The following MYOF variants were observed in gnomAD, a reference collection of about 807,000 sequenced individuals.
MYOF encodes myoferlin.
MYOF carries 244 observed loss-of-function variants against 284.2 expected under a neutral mutation model. The ratio of observed to expected loss-of-function variants is 0.86; its 90% CI spans 0.77 to 0.95. The LOEUF (loss-of-function observed/expected upper bound fraction) is 0.95. Among genes scored for constraint, MYOF ranks in the 40% least tolerant of loss-of-function variants. The pLI is 0.00. For missense variants in MYOF, 2,496 were observed against 2,560.6 expected (o/e 0.97, Z 0.54); for synonymous variants, 904 against 919.7 (o/e 0.98, Z 0.31).
At position 93,397,215 on chromosome 10, in the gene MYOF, T is replaced by A. The variant is rs1372294817; in HGVS notation, c.1334+32A>T. The A allele has an allele frequency of 7.3e-6, 11 of 1,498,440 alleles. No homozygotes were observed. In the Admixed American group the frequency reaches 1.8e-4, roughly 24 times the overall value. 92.8% of individuals were successfully genotyped at this position (1,498,440 alleles called of 1,614,324 possible). ...CACAATATCCAATGTTTATTTTATG[T>A]TGAATTAGACACATACGTATTTTCA... On this transcript the variant is annotated intron_variant, in intron 15 of 53. Coordinates refer to ENST00000359263, the MANE Select transcript of MYOF (RefSeq NM_013451.4).
At chr10:93,473,484 G>A (rs922183210) in intron 1 of MYOF, among the ~76,000 whole-genome samples, 16 of 152,238 alleles carry the variant, frequency 1.1e-4, no homozygotes, top group African/African-American at 3.9e-4. Flanking sequence ...CCATGCAAGA[G>A]GCCTCACTAA....
At chr10:93,419,019 G>A (rs541162728) in intron 5 of MYOF, among the ~76,000 whole-genome samples, 2 of 152,256 alleles carry the variant, frequency 1.3e-5, no homozygotes, top group Admixed American at 6.5e-5. Context: ...CTTTCATGGA[G>A]CCCCATGGTC....
chr10:93,425,063 C>T (rs112043922), intron 5 of MYOF, among the ~76,000 whole-genome samples: 6,368 of 151,208 alleles, frequency 0.042, 181 homozygotes, highest in Non-Finnish European at 0.064. Context: ...CTCAGCCTCC[C>T]GAGTAGCTGG....
Position 93,415,782 on chromosome 10 carries a change from C to T in MYOF, c.434-6043G>A, listed in dbSNP as rs552334375. On this transcript the variant is annotated intron_variant, in intron 5 of 53. Transcript: ENST00000359263. ...ACTTAAGGAGTTTTGCCTCTTTATACGTTCATCGGTTTCCCCCTTTCTACT... is the reference window on the plus strand; with the variant it reads ...ACTTAAGGAGTTTTGCCTCTTTATATGTTCATCGGTTTCCCCCTTTCTACT... Among the ~76,000 whole-genome samples, 10 of 152,306 alleles carry T rather than the reference C, an allele frequency of 6.6e-5. No individual in the cohort carries two copies. The South Asian group carries it at 1.2e-3, about 19-fold the overall frequency.
At chr10:93,337,153 G>A (rs1243671016) in intron 40 of MYOF, among the ~76,000 whole-genome samples, 1 of 139,814 alleles carries the variant, frequency 7.2e-6, no homozygotes, top group East Asian at 2.1e-4. Flanking sequence ...TTTTTGCTTT[G>A]ATGGGGAAAA....
At position 93,379,922 on chromosome 10, in the gene MYOF, C is replaced by T; in HGVS notation, c.1942G>A (p.Glu648Lys). Residue 648 changes from glutamate to lysine, a missense_variant, in exon 21 of 54, where the codon GAG becomes AAG. By Grantham distance (56) the Glu-to-Lys change is moderately conservative. Coordinates refer to ENST00000359263, the MANE Select transcript of MYOF (RefSeq NM_013451.4). ...KPVVTLTSYW[E>K]DISHRLDAVN... ...GCATCCAGGCGATGACTAATATCCT[C>T]CCAGTATGAAGTCAGGGTAACAACT... is the stretch of plus-strand genomic sequence containing the variant. 2 of 1,614,058 alleles carry T rather than the reference C, an allele frequency of 1.2e-6. No individual in the cohort carries two copies. The highest frequency in any genetic ancestry group is 1.1e-5 in the South Asian group (1 of 91,054).
chr10:93,320,273 G>T (rs993702337), intron 48 of MYOF, among the ~76,000 whole-genome samples: 1 of 152,144 alleles, frequency 6.6e-6, no homozygotes, highest in African/African-American at 2.4e-5. Context: ...CAGGGCTAAG[G>T]TGAAATTTTC....
chr10:93,477,594 A>G (rs2057292317), intron 1 of MYOF, among the ~76,000 whole-genome samples: 1 of 152,024 alleles, frequency 6.6e-6, no homozygotes, highest in African/African-American at 2.4e-5. Context: ...CACGCCTGTA[A>G]TCCCAGCACT....
chr10:93,460,233 G>T (rs1444373931), intron 1 of MYOF, among the ~76,000 whole-genome samples: 4 of 152,188 alleles, frequency 2.6e-5, no homozygotes, highest in Non-Finnish European at 5.9e-5. Flanking sequence ...CCCAAGCCTG[G>T]TTCCTGACCC....
At chr10:93,362,314 C>T (rs940048521) in intron 27 of MYOF, among the ~76,000 whole-genome samples, 1 of 151,528 alleles carries the variant, frequency 6.6e-6, no homozygotes, top group South Asian at 2.1e-4. Context: ...GGTGCAATCT[C>T]GAGTCACTGC....
intron 1 of MYOF, among the ~76,000 whole-genome samples, chr10:93,457,349 C>A (rs1181644280): frequency 6.6e-6 from 1 of 152,184 alleles, no homozygotes; most frequent in African/African-American, 2.4e-5. Context: ...CTGATTTAAA[C>A]CTGGAATTTC....
intron 53 of MYOF, among the ~76,000 whole-genome samples, chr10:93,309,684 G>A (rs1008368618): frequency 6.6e-6 from 1 of 152,116 alleles, no homozygotes; most frequent in Non-Finnish European, 1.5e-5. Flanking sequence ...GGATGGTTTG[G>A]AACAAGAAAG....
At chr10:93,375,219 C>T (rs561010967) in intron 22 of MYOF, among the ~76,000 whole-genome samples, 104 of 152,310 alleles carry the variant, frequency 6.8e-4, no homozygotes, top group Non-Finnish European at 1.0e-3. Context: ...GTTTAACCTA[C>T]GGCCCAAGGA....
intron 1 of MYOF, among the ~76,000 whole-genome samples, chr10:93,463,926 C>T (rs542159546): frequency 6.7e-6 from 1 of 150,128 alleles, no homozygotes; most frequent in African/African-American, 2.5e-5. Flanking sequence ...TGGCTTGCTA[C>T]ATCTGTGCCG....
chr10:93,360,956 C>A (rs1845040013), intron 28 of MYOF, among the ~76,000 whole-genome samples: 1 of 152,224 alleles, frequency 6.6e-6, no homozygotes, highest in Non-Finnish European at 1.5e-5. Context: ...GCTCACTTAG[C>A]ACTTGTCCAT....
Position 93,333,857 on chromosome 10 carries a change from T to C in MYOF, c.4620A>G (p.Arg1540=), listed in dbSNP as rs750708877. The C allele has an allele frequency of 6.2e-7, 1 of 1,613,952 alleles. No individual in the cohort carries two copies. Among genetic ancestry groups the C allele is most frequent in the South Asian group, 1.1e-5 (1 of 91,054 alleles). The change falls in exon 42 of 54, where the codon AGA becomes AGG. Residue 1540 remains arginine, a synonymous_variant. Coordinates refer to ENST00000359263, the MANE Select transcript of MYOF (RefSeq NM_013451.4). Reference sequence around the variant, plus strand: ...CGCTGTCAGGTAATTCCCGAAACTGTCTGGGAGGGGCTGGCACGCTGGGGT... The same window carrying C: ...CGCTGTCAGGTAATTCCCGAAACTGCCTGGGAGGGGCTGGCACGCTGGGGT... The part of the protein sequence containing the change: ...PDDPSVPAPP[R]QFRELPDSVP...
intron 50 of MYOF, among the ~76,000 whole-genome samples, chr10:93,316,328 GA>G (rs1451609365): frequency 6.6e-6 from 1 of 151,822 alleles, no homozygotes; most frequent in African/African-American, 2.4e-5. Context: ...AGGGACAGGA[GA>G]AATGGCGGGG....
intron 7 of MYOF, among the ~76,000 whole-genome samples, chr10:93,405,643 T>C (rs1313126044): frequency 3.9e-5 from 6 of 152,210 alleles, no homozygotes; most frequent in Non-Finnish European, 5.9e-5. Flanking sequence ...TTCCTCACTG[T>C]CGGATGCAAA....
chr10:93,417,478 C>T (rs1848182000), intron 5 of MYOF, among the ~76,000 whole-genome samples: 1 of 152,122 alleles, frequency 6.6e-6, no homozygotes, highest in Non-Finnish European at 1.5e-5. Flanking sequence ...GTTGGCAGCC[C>T]TAGAGGACCT....
Sources: gnomAD v4.1 joint callset for allele counts (sites outside exome capture counted in the v4.1 genomes callset) on GRCh38, gnomAD v4.1.1 for gene constraint, MANE v1.5 for transcripts, NCBI Gene and HGNC (gene_info 2026-07-23, HGNC 2026-07-21) for gene names.